The following GRID1 variants were observed in gnomAD, a reference collection of about 807,000 sequenced individuals.
GRID1 encodes the protein glutamate ionotropic receptor delta type subunit 1, also known as glutamate receptor ionotropic, delta-1.
In GRID1, 28 loss-of-function variants were observed where a neutral mutation model predicts 98.0. The observed-to-expected ratio is 0.29, with a 90% confidence interval of 0.21 to 0.39. The LOEUF (loss-of-function observed/expected upper bound fraction) is 0.39. Ranked by LOEUF, GRID1 falls within the 10% of genes least tolerant of loss-of-function variation. GRID1 has a pLI of 1.00. For missense variants in GRID1, 1,111 were observed against 1,340.5 expected (o/e 0.83, Z 2.67); for synonymous variants, 553 against 538.5 (o/e 1.03, Z -0.37).
At chr10:86,032,619 C>G (rs980792493) in intron 4 of GRID1, among the ~76,000 whole-genome samples, 5 of 152,198 alleles carry the variant, frequency 3.3e-5, no homozygotes, top group South Asian at 2.1e-4. Context: ...ACAGATGCTT[C>G]AAGGCAGCAT....
intron 4 of GRID1, among the ~76,000 whole-genome samples, chr10:85,929,360 G>A (rs1360340241): frequency 6.6e-6 from 1 of 152,052 alleles, no homozygotes; most frequent in Non-Finnish European, 1.5e-5. Context: ...ACTGACCCAG[G>A]GTAACCTCAG....
At chr10:85,858,382 C>T (rs1431532145) in intron 6 of GRID1, among the ~76,000 whole-genome samples, 2 of 152,154 alleles carry the variant, frequency 1.3e-5, no homozygotes, top group Non-Finnish European at 2.9e-5. Flanking sequence ...TAAGTACCAC[C>T]ACCCACTGGG....
intron 4 of GRID1, among the ~76,000 whole-genome samples, chr10:86,004,088 C>A (rs1346601058): frequency 6.6e-6 from 1 of 151,052 alleles, no homozygotes; most frequent in Non-Finnish European, 1.5e-5. Context: ...ACTATTTACC[C>A]TCATTTCCCA....
chr10:86,306,436 C>G (rs772434047), intron 2 of GRID1, among the ~76,000 whole-genome samples: 2 of 152,200 alleles, frequency 1.3e-5, no homozygotes, highest in Non-Finnish European at 2.9e-5. Context: ...ATTTGGCACT[C>G]CCTTATCTGA....
intron 4 of GRID1, among the ~76,000 whole-genome samples, chr10:86,080,376 GGAAA>G (rs1843950216): frequency 4.6e-5 from 4 of 86,854 alleles, no homozygotes; most frequent in African/African-American, 1.6e-4. Context: ...GAGAGAAAAA[GGAAA>G]GGAAAGGGAA....
At chr10:86,147,384 G>A (rs1845103880) in intron 3 of GRID1, among the ~76,000 whole-genome samples, 1 of 152,120 alleles carries the variant, frequency 6.6e-6, no homozygotes, top group Non-Finnish European at 1.5e-5. Context: ...GAAGAACCAA[G>A]ACAATCCTAA....
intron 8 of GRID1, among the ~76,000 whole-genome samples, chr10:85,805,952 AAAAG>A (rs2131741470): frequency 6.6e-6 from 1 of 152,000 alleles, no homozygotes; most frequent in East Asian, 1.9e-4. Context: ...AAAAAGCCAT[AAAAG>A]AAAGATTGAT....
In GRID1 at chr10:86,344,168, A is replaced by G. The variant is rs115507095; in HGVS notation, c.235+19773T>C. 1.0e-3 allele frequency among the ~76,000 whole-genome samples: 152 copies of G among 152,354 alleles called. 1 individual carries two copies. The highest frequency in any genetic ancestry group is 3.5e-3 in the African/African-American group (145 of 41,592). On this transcript the variant is annotated intron_variant, in intron 2 of 15. Transcript: ENST00000327946. ...CCTGGGGCCTGGGTCTGCTGTGCCC[A>G]CAGTGGCTGGCACTGGGTCAACCCT...
intron 8 of GRID1, among the ~76,000 whole-genome samples, chr10:85,841,425 C>A (rs1379095469): frequency 6.6e-6 from 1 of 152,028 alleles, no homozygotes; most frequent in Non-Finnish European, 1.5e-5. Context: ...TAGGTATGAA[C>A]AAAGATTTCA....
intron 8 of GRID1, among the ~76,000 whole-genome samples, chr10:85,794,643 G>C (rs915420783): frequency 6.6e-6 from 1 of 152,178 alleles, no homozygotes; most frequent in Non-Finnish European, 1.5e-5. Flanking sequence ...CCTTTGATGG[G>C]GGTTAAGTAA....
intron 2 of GRID1, among the ~76,000 whole-genome samples, chr10:86,332,933 G>A (rs1022648101): frequency 2.0e-5 from 3 of 152,156 alleles, no homozygotes; most frequent in African/African-American, 7.2e-5. Flanking sequence ...CCGCCTGGCT[G>A]CACCATCAGC....
At chr10:85,623,453 G>T (rs749029692) in intron 13 of GRID1, among the ~76,000 whole-genome samples, 1 of 152,192 alleles carries the variant, frequency 6.6e-6, no homozygotes, top group Non-Finnish European at 1.5e-5. Context: ...GTCAGAATCA[G>T]TTTTCCACGT....
chr10:86,200,463 G>A (rs762202399), intron 3 of GRID1, among the ~76,000 whole-genome samples: 3 of 152,180 alleles, frequency 2.0e-5, no homozygotes, highest in South Asian at 2.1e-4. Context: ...TGCTAGGCTC[G>A]CAGAGGGGCA....
chr10:86,258,518 G>A (rs1846961466), intron 2 of GRID1, among the ~76,000 whole-genome samples: 1 of 152,190 alleles, frequency 6.6e-6, no homozygotes, highest in South Asian at 2.1e-4. Context: ...TAGGTTGGCT[G>A]CAGCTCTGTC....
chr10:85,634,779 G>A (rs1004803191), intron 13 of GRID1, among the ~76,000 whole-genome samples: 1 of 151,954 alleles, frequency 6.6e-6, no homozygotes, highest in Admixed American at 6.6e-5. Context: ...TGGCTGACAT[G>A]ATAAATCAAA....
intron 8 of GRID1, among the ~76,000 whole-genome samples, chr10:85,750,091 C>T (rs950499321): frequency 1.4e-4 from 22 of 152,190 alleles, no homozygotes; most frequent in Non-Finnish European, 2.8e-4. Flanking sequence ...ACAGAGCAGG[C>T]ACTCAATAAA....
At chr10:85,814,999 G>T (rs1842703449) in intron 8 of GRID1, among the ~76,000 whole-genome samples, 1 of 151,960 alleles carries the variant, frequency 6.6e-6, no homozygotes, top group South Asian at 2.1e-4. Context: ...AAAATTGTCA[G>T]CAAAATACCA....
chr10:86,175,339 GC>G (rs1369919832), intron 3 of GRID1, among the ~76,000 whole-genome samples: 1 of 129,952 alleles, frequency 7.7e-6, no homozygotes, highest in Non-Finnish European at 1.6e-5. Context: ...CCTCAATAAA[GC>G]AAAAAAAAAA....
intron 2 of GRID1, among the ~76,000 whole-genome samples, chr10:86,324,633 G>C (rs138256948): frequency 1.8e-3 from 272 of 152,246 alleles, no homozygotes; most frequent in African/African-American, 6.0e-3. Context: ...AAACACAGTT[G>C]ATTCAATAAA....
Sources: gnomAD v4.1 joint callset for allele counts (sites outside exome capture counted in the v4.1 genomes callset) on GRCh38, gnomAD v4.1.1 for gene constraint, MANE v1.5 for transcripts, NCBI Gene and HGNC (gene_info 2026-07-23, HGNC 2026-07-21) for gene names.